Variants in ARFGAP1 observed in about 807,000 individuals in gnomAD.
ARFGAP1 encodes ADP-ribosylation factor GTPase-activating protein 1.
In ARFGAP1, 26 loss-of-function variants were observed where a neutral mutation model predicts 54.0. The observed-to-expected ratio is 0.48, with a 90% CI of 0.35 to 0.67. The LOEUF is 0.67. ARFGAP1 is among the 30% of genes least tolerant of loss of function. ARFGAP1 has a pLI of 0.00. For synonymous variants in ARFGAP1, 248 were observed against 211.9 expected (o/e 1.17, Z -1.48); for missense variants, 525 against 535.8 (o/e 0.98, Z 0.20).
At chr20:63,278,499 C>A (rs1457069549) in intron 6 of ARFGAP1, 2 of 466,438 alleles carry the variant, frequency 4.3e-6, no homozygotes, top group Non-Finnish European at 7.8e-6. Context: ...TGCAGTGACC[C>A]CCAGCTGCCC....
At chr20:63,287,525 T>C in intron 12 of ARFGAP1, 39 bp from the exon 13 acceptor site, 3 of 1,521,748 alleles carry the variant, frequency 2.0e-6, no homozygotes, top group Non-Finnish European at 2.7e-6. Flanking sequence ...GTGGACTGAG[T>C]AACAGTCATT....
chr20:63,281,241 G>T (rs1477614031), intron 7 of ARFGAP1, 50 bp from the exon 8 acceptor site: 1 of 1,555,696 alleles, frequency 6.4e-7, no homozygotes, highest in Non-Finnish European at 8.7e-7. Context: ...CTCAGCGCCG[G>T]GTTCCTGGGT....
At position 63,275,831 on chromosome 20, in the gene ARFGAP1, G is replaced by A. The variant is rs546280039; in HGVS notation, c.60+191G>A. 5.9e-5 allele frequency among the ~76,000 whole-genome samples: 9 copies of A among 152,308 alleles called. No homozygotes were observed. The South Asian group carries it at 6.2e-4, about 11-fold the overall frequency. Reference sequence around the variant, plus strand: ...CTCTTAGAGTGGTGCCATTTCTGGCGCTCATCAGTGCTGGCTGTCGGGGGT... The same window carrying A: ...CTCTTAGAGTGGTGCCATTTCTGGCACTCATCAGTGCTGGCTGTCGGGGGT... On this transcript the variant is annotated intron_variant, in intron 2 of 12. Transcript: ENST00000370283.
In ARFGAP1 at chr20:63,287,858, C is replaced by G; in HGVS notation, c.1206C>G (p.Asp402Glu). ...PPAVPTDDGW[D>E]NQNW ...CCGTGCCCACTGATGATGGCTGGGACAACCAGAACTGGTAGGGCCCACTGC... is the reference window on the plus strand; with the variant it reads ...CCGTGCCCACTGATGATGGCTGGGAGAACCAGAACTGGTAGGGCCCACTGC... The change falls in exon 13 of 13, where the codon GAC (aspartate) becomes GAG (glutamate). Residue 402 changes from aspartate (D) to glutamate (E), a missense_variant. Physicochemically the swap from Asp to Glu is conservative, Grantham distance 45. Around this residue, in one of 3 missense-constraint regions of ARFGAP1, gnomAD observed 466 missense variants for 453.6 expected, o/e 1.03. Coordinates refer to ENST00000370283, the MANE Select transcript of ARFGAP1 (RefSeq NM_018209.4). 6.4e-7 allele frequency: 1 copy of G among 1,551,018 alleles called. No homozygotes were observed. The highest frequency in any genetic ancestry group is 8.7e-7 in the Non-Finnish European group (1 of 1,147,446).
intron 10 of ARFGAP1, 65 bp from the exon 11 acceptor site, chr20:63,285,589 A>C: frequency 6.5e-7 from 1 of 1,546,356 alleles, no homozygotes; most frequent in Non-Finnish European, 8.9e-7. Context: ...GGATTCCTGC[A>C]CTCCTGAAGC....
rs1169905870 is a variant in ARFGAP1 at position 63,287,628 on chromosome 20, C to T, written c.976C>T (p.Gln326Ter). 1.2e-6 allele frequency: 2 copies of T among 1,612,586 alleles called. No individual in the cohort carries two copies. The highest frequency in any genetic ancestry group is 2.2e-5 in the East Asian group (1 of 44,866). ...LDHFQNSNID[Q>*]SFWETFGSAE... ...CCACTTCCAAAACAGCAACATAGACCAGAGCTTCTGGGAGACCTTTGGAAG... is the reference window on the plus strand; with the variant it reads ...CCACTTCCAAAACAGCAACATAGACTAGAGCTTCTGGGAGACCTTTGGAAG... Residue 326 changes from glutamine (Q) to a stop codon, truncating the protein, a stop_gained, in exon 13 of 13, where the codon CAG (glutamine) becomes TAG (stop). Coordinates refer to ENST00000370283, the MANE Select transcript of ARFGAP1 (RefSeq NM_018209.4). LOFTEE classifies it high-confidence loss of function.
In ARFGAP1 at chr20:63,275,661, C is replaced by T. The variant is rs762243558; in HGVS notation, c.60+21C>T. Reference sequence around the variant, plus strand: ...ACAACGTAAGCCTCTGCCCCCCACCCCCCGCCCTAAGGCTTGGTCAGGGTC... The same window carrying T: ...ACAACGTAAGCCTCTGCCCCCCACCTCCCGCCCTAAGGCTTGGTCAGGGTC... On this transcript the variant is annotated intron_variant, in intron 2 of 12. Transcript: ENST00000370283. 9 of 1,609,894 alleles carry T rather than the reference C, an allele frequency of 5.6e-6. No individual in the cohort carries two copies. The East Asian group carries it at 1.6e-4, about 28-fold the overall frequency.
chr20:63,285,881 T>C (rs2067522253), intron 11 of ARFGAP1, 168 bp downstream of exon 11: 2 of 1,422,746 alleles, frequency 1.4e-6, no homozygotes, highest in East Asian at 2.4e-5. Flanking sequence ...CCGAGGGATA[T>C]GGAAACAACT....
rs771719437 is a variant in ARFGAP1 at position 63,277,238 on chromosome 20, C to G, written c.376C>G (p.Leu126Val). The G allele has an allele frequency of 3.7e-6, 6 of 1,613,046 alleles. No homozygotes were observed. In the South Asian group the frequency reaches 4.4e-5, roughly 12 times the overall value. The change falls in exon 5 of 13, where the codon CTG (leucine) becomes GTG (valine). Residue 126 changes from leucine (L) to valine (V), a missense_variant. Leu to Val is a conservative substitution (Grantham distance 32). Around this residue, in one of 3 missense-constraint regions of ARFGAP1, gnomAD observed 466 missense variants for 453.6 expected, o/e 1.03. Transcript: ENST00000370283. Reference sequence around the variant, plus strand: ...TCTGGCCGAAGGCAGAGAGTGGTCTCTGGAGTCATCACCTGCCCAGAACTG... The same window carrying G: ...TCTGGCCGAAGGCAGAGAGTGGTCTGTGGAGTCATCACCTGCCCAGAACTG... ...VALAEGREWS[L>V]ESSPAQNWTP...
chr20:63,279,023 C>T (rs1472540618), intron 7 of ARFGAP1, 28 bp downstream of exon 7: 1 of 1,610,424 alleles, frequency 6.2e-7, no homozygotes, highest in Non-Finnish European at 8.5e-7. Flanking sequence ...CAGAGCATCT[C>T]CCATGGGCAG....
chr20:63,287,231 C>T (rs562006462), intron 12 of ARFGAP1, among the ~76,000 whole-genome samples: 3 of 152,386 alleles, frequency 2.0e-5, no homozygotes, highest in African/African-American at 7.2e-5. Context: ...GCCTGTGTCC[C>T]GGCTTGAGGC....
chr20:63,273,023 C>A (rs1030649615), intron 1 of ARFGAP1, 103 bp downstream of exon 1: 1 of 152,144 alleles, frequency 6.6e-6, no homozygotes, highest in South Asian at 2.1e-4. Context: ...GCCTCCTCCA[C>A]CCGGACCCCG....
At chr20:63,282,712 G>A (rs968967065) in intron 8 of ARFGAP1, 107 bp from the exon 9 acceptor site, 51 of 1,161,128 alleles carry the variant, frequency 4.4e-5, no homozygotes, top group East Asian at 4.0e-4. Flanking sequence ...CTGGCAGCCC[G>A]GGGGCCATTG....
chr20:63,285,853 G>T, intron 11 of ARFGAP1, 140 bp downstream of exon 11: 1 of 1,457,020 alleles, frequency 6.9e-7, no homozygotes. Flanking sequence ...CGGGAGGAGA[G>T]CTGCCCAGCC....
intron 6 of ARFGAP1, 60 bp from the exon 7 acceptor site, chr20:63,278,839 C>A: frequency 6.4e-7 from 1 of 1,569,138 alleles, no homozygotes; most frequent in Non-Finnish European, 8.8e-7. Context: ...GGGCCCCACG[C>A]CCTCGGGAGG....
chr20:63,288,103 C>T lies in ARFGAP1; in HGVS notation c.*230C>T, dbSNP rs944474861. 1.6e-5 allele frequency: 10 copies of T among 611,634 alleles called. No individual in the cohort carries two copies. The highest frequency in any genetic ancestry group is 2.9e-5 in the Non-Finnish European group (10 of 345,598). The allele number at this position is 611,634 out of a possible 1,614,324, so 37.9% of individuals were successfully genotyped here. ...AGCCTGTGTGGGGGCCGTCCCGTCC[C>T]ACACTCCCCTGGGCATTCTTGGACT... On this transcript the variant is annotated 3_prime_UTR_variant, in exon 13 of 13. Transcript: ENST00000370283.
In ARFGAP1 at chr20:63,288,861, A is replaced by G. The variant is rs530306563; in HGVS notation, c.*988A>G. On this transcript the variant is annotated 3_prime_UTR_variant, in exon 13 of 13. Transcript: ENST00000370283. ...CCCTGTGTGACCCTCAGTCTTGGCC[A>G]GCCATGCATGCGCCCGAAGCTCGTG... is the stretch of plus-strand genomic sequence containing the variant. The G allele has an allele frequency of 1.1e-5, 3 of 281,300 alleles. No individual in the cohort carries two copies. The highest frequency in any genetic ancestry group is 6.5e-5 in the African/African-American group (3 of 46,192). The allele number at this position is 281,300 out of a possible 1,614,324, so 17.4% of individuals were successfully genotyped here. A position where few individuals can be genotyped will look rare whatever the true frequency, so the allele number is the denominator to read the frequency against.
chr20:63,286,084 G>T (rs1035340653), intron 11 of ARFGAP1: 2 of 1,550,076 alleles, frequency 1.3e-6, no homozygotes, highest in South Asian at 2.4e-5. Context: ...GACAGACGGG[G>T]AGGGAAGAGC....
At position 63,287,618 on chromosome 20, in the gene ARFGAP1, C is replaced by T. The variant is rs1032065732; in HGVS notation, c.966C>T (p.Ser322=). The stretch of plus-strand genomic sequence containing the variant: ...GCGGTCTGGACCACTTCCAAAACAG[C>T]AACATAGACCAGAGCTTCTGGGAGA... ...QNSGLDHFQN[S]NIDQSFWETF... Residue 322 remains serine (S), a synonymous_variant, in exon 13 of 13, where the codon AGC becomes AGT. Transcript: ENST00000370283. 1.2e-6 allele frequency: 2 copies of T among 1,611,792 alleles called. No homozygotes were observed. Among genetic ancestry groups the T allele is most frequent in the Non-Finnish European group, 1.7e-6 (2 of 1,179,374 alleles).
Sources: gnomAD v4.1 joint callset for allele counts (sites outside exome capture counted in the v4.1 genomes callset) on GRCh38, gnomAD v4.1.1 for gene constraint, gnomAD v4.1.1 regional missense constraint, MANE v1.5 for transcripts, NCBI Gene and HGNC (gene_info 2026-07-23, HGNC 2026-07-21) for gene names.